The following EYA4 variants were observed in gnomAD, a reference collection of about 807,000 sequenced individuals.
EYA4 encodes the protein EYA transcriptional coactivator and phosphatase 4.
In EYA4, 31 loss-of-function variants were observed where a neutral mutation model predicts 87.9. The ratio of observed to expected loss-of-function variants is 0.35; its 90% CI spans 0.27 to 0.48. The LOEUF (loss-of-function observed/expected upper bound fraction) is 0.48, where lower values mean the gene tolerates loss of function less well. EYA4 is among the 20% of genes least tolerant of loss of function. The pLI is 0.99. For missense variants in EYA4, 678 were observed against 761.4 expected (o/e 0.89, Z 1.29); for synonymous variants, 263 against 270.6 (o/e 0.97, Z 0.28).
chr6:133,477,557 T>C (rs1795848557), intron 11 of EYA4, among the ~76,000 whole-genome samples: 1 of 152,098 alleles, frequency 6.6e-6, no homozygotes, highest in African/African-American at 2.4e-5. Context: ...TCTCTCACTC[T>C]AGTAGGTTGT....
intron 13 of EYA4, among the ~76,000 whole-genome samples, chr6:133,499,227 C>T (rs2128745383): frequency 6.6e-6 from 1 of 152,258 alleles, no homozygotes; most frequent in South Asian, 2.1e-4. Flanking sequence ...CTCTCCTAGG[C>T]ATTTCCTCCT....
chr6:133,488,055 A>T (rs1389652665), intron 13 of EYA4, among the ~76,000 whole-genome samples: 1 of 152,192 alleles, frequency 6.6e-6, no homozygotes, highest in African/African-American at 2.4e-5. Flanking sequence ...AAGCTGACTG[A>T]AGAGCCCTTG....
chr6:133,332,382 C>T (rs1782030974), intron 2 of EYA4, among the ~76,000 whole-genome samples: 1 of 152,126 alleles, frequency 6.6e-6, no homozygotes, highest in South Asian at 2.1e-4. Flanking sequence ...AGGCTTCTCC[C>T]ACTCCTTCAG....
chr6:133,426,593 C>A (rs758649899), intron 3 of EYA4, among the ~76,000 whole-genome samples: 22 of 152,148 alleles, frequency 1.4e-4, no homozygotes, highest in Non-Finnish European at 2.4e-4. Flanking sequence ...GTTATTTCCC[C>A]ATTAGATTCC....
intron 3 of EYA4, among the ~76,000 whole-genome samples, chr6:133,402,091 T>A (rs941308427): frequency 6.6e-6 from 1 of 152,162 alleles, no homozygotes; most frequent in South Asian, 2.1e-4. Context: ...CTAAAAGATA[T>A]CTAGATCATT....
intron 3 of EYA4, among the ~76,000 whole-genome samples, chr6:133,385,436 TGTGTGAGAGA>T (rs1404045162): frequency 8.2e-6 from 1 of 121,624 alleles, no homozygotes; most frequent in African/African-American, 2.8e-5. Context: ...TGTGTGTGTG[TGTGTGAGAGA>T]GAGAGAGAGA....
At chr6:133,513,146 T>C (rs1172958634) in intron 16 of EYA4, 108 bp downstream of exon 16, 44 of 1,216,458 alleles carry the variant, frequency 3.6e-5, no homozygotes, top group Non-Finnish European at 5.1e-5. Context: ...AAGCAAAAGC[T>C]CATATTAAAC....
intron 17 of EYA4, among the ~76,000 whole-genome samples, chr6:133,520,071 G>T (rs1430217611): frequency 2.0e-5 from 3 of 151,638 alleles, no homozygotes; most frequent in African/African-American, 4.8e-5. Flanking sequence ...TTGAAAACTG[G>T]CACAAGACAG....
intron 3 of EYA4, among the ~76,000 whole-genome samples, chr6:133,410,212 A>G (rs1208460785): frequency 2.0e-5 from 3 of 152,162 alleles, no homozygotes; most frequent in African/African-American, 7.2e-5. Context: ...ATGATAGTAT[A>G]CTAAAACTTG....
chr6:133,310,793 G>A (rs984809574), intron 2 of EYA4, among the ~76,000 whole-genome samples: 3 of 152,102 alleles, frequency 2.0e-5, no homozygotes, highest in African/African-American at 4.8e-5. Context: ...ATCCAAAAAT[G>A]GATTTCTGAA....
chr6:133,416,610 A>T (rs1344157044), intron 3 of EYA4, among the ~76,000 whole-genome samples: 6 of 152,216 alleles, frequency 3.9e-5, no homozygotes. Context: ...GATAAGATAA[A>T]GCATTACGTA....
intron 2 of EYA4, among the ~76,000 whole-genome samples, chr6:133,280,494 T>G (rs1050381356): frequency 1.3e-5 from 2 of 152,130 alleles, no homozygotes; most frequent in Non-Finnish European, 2.9e-5. Flanking sequence ...ACTCCCGGGT[T>G]CAAGTGATTC....
intron 2 of EYA4, among the ~76,000 whole-genome samples, chr6:133,306,640 A>G (rs1779831220): frequency 6.6e-6 from 1 of 152,226 alleles, no homozygotes; most frequent in Admixed American, 6.5e-5. Flanking sequence ...ATTTAATTAT[A>G]TTGAAAAATC....
chr6:133,423,332 G>A (rs1207675321), intron 3 of EYA4, among the ~76,000 whole-genome samples: 2 of 152,138 alleles, frequency 1.3e-5, no homozygotes, highest in Non-Finnish European at 2.9e-5. Context: ...GTTAGTAGTA[G>A]TGTAAACACA....
At chr6:133,299,967 A>ATATATATC (rs1554220560) in intron 2 of EYA4, among the ~76,000 whole-genome samples, 8 of 149,842 alleles carry the variant, frequency 5.3e-5, no homozygotes, top group African/African-American at 2.0e-4. Flanking sequence ...ATATATATAT[A>ATATATATC]TATCTTTTGA....
chr6:133,518,090 C>T (rs765113692), intron 17 of EYA4, among the ~76,000 whole-genome samples: 4 of 152,208 alleles, frequency 2.6e-5, no homozygotes, highest in East Asian at 1.9e-4. Flanking sequence ...CGCTGGAGCA[C>T]GAGGACCCCT....
At chr6:133,376,326 C>T (rs1303665136) in intron 2 of EYA4, among the ~76,000 whole-genome samples, 8 of 151,744 alleles carry the variant, frequency 5.3e-5, no homozygotes, top group Admixed American at 5.3e-4. Flanking sequence ...ATTACATAAA[C>T]TTTCATTTGT....
At chr6:133,318,040 A>G (rs902581566) in intron 2 of EYA4, among the ~76,000 whole-genome samples, 4 of 152,170 alleles carry the variant, frequency 2.6e-5, no homozygotes, top group Admixed American at 6.6e-5. Flanking sequence ...TTTTAAATGT[A>G]GTTTTGAAGA....
At chr6:133,492,497 T>C (rs976020251) in intron 13 of EYA4, among the ~76,000 whole-genome samples, 32 of 152,156 alleles carry the variant, frequency 2.1e-4, no homozygotes, top group Non-Finnish European at 1.5e-4. Flanking sequence ...GCAGCTGATA[T>C]CACACAGAAG....
Sources: gnomAD v4.1 joint callset for allele counts (sites outside exome capture counted in the v4.1 genomes callset) on GRCh38, gnomAD v4.1.1 for gene constraint, MANE v1.5 for transcripts, NCBI Gene and HGNC (gene_info 2026-07-23, HGNC 2026-07-21) for gene names.